Variants in PITPNM2 observed in about 807,000 individuals in gnomAD.
PITPNM2 encodes phosphatidylinositol transfer protein membrane associated 2.
In PITPNM2, 35 loss-of-function variants were observed where a neutral mutation model predicts 132.2. The observed-to-expected ratio is 0.26, with a 90% CI of 0.20 to 0.35. PITPNM2 has a LOEUF of 0.35. Ranked by LOEUF, PITPNM2 falls within the 10% of genes least tolerant of loss-of-function variation. The pLI is 1.00. For synonymous variants in PITPNM2, 738 were observed against 799.2 expected, an observed-to-expected ratio of 0.92 and a Z score of 1.29; for missense variants, 1,332 against 1,912.0, an observed-to-expected ratio of 0.70 and a Z score of 5.66.
At chr12:122,996,000 A>G (rs1353214978) in intron 13 of PITPNM2, among the ~76,000 whole-genome samples, 1 of 152,176 alleles carries the variant, frequency 6.6e-6, no homozygotes, top group African/African-American at 2.4e-5. Flanking sequence ...GCTTGGCCAC[A>G]TAGCAGCTGC....
chr12:123,057,642 C>T (rs964260515), intron 2 of PITPNM2, among the ~76,000 whole-genome samples: 10 of 151,168 alleles, frequency 6.6e-5, no homozygotes, highest in African/African-American at 2.5e-4. Context: ...AGCTGGGGCG[C>T]CCGGCCAGAA....
At chr12:123,015,418 G>T (rs906929114) in intron 3 of PITPNM2, among the ~76,000 whole-genome samples, 2 of 152,150 alleles carry the variant, frequency 1.3e-5, no homozygotes, top group African/African-American at 4.8e-5. Flanking sequence ...ATTAATTTTT[G>T]AGAAGGGTGC....
At chr12:123,050,246 T>C (rs1045398678) in intron 2 of PITPNM2, among the ~76,000 whole-genome samples, 1 of 152,160 alleles carries the variant, frequency 6.6e-6, no homozygotes, top group African/African-American at 2.4e-5. Context: ...GATATGGCAA[T>C]GCCAGGCAGC....
At chr12:123,119,355 A>ACTTTTTTTTTTTTTTTTTTTTTTT (rs762896348) in intron 1 of PITPNM2, among the ~76,000 whole-genome samples, 2 of 129,306 alleles carry the variant, frequency 1.5e-5, no homozygotes, top group African/African-American at 5.6e-5. Context: ...GAGGATGGTG[A>ACTTTTTTTTTTTTTTTTTTTTTTT]TTTTTTTTTT....
chr12:123,018,991 C>A (rs184271490), intron 3 of PITPNM2, among the ~76,000 whole-genome samples: 39 of 151,328 alleles, frequency 2.6e-4, no homozygotes, highest in African/African-American at 7.3e-4. Context: ...GCCATGTTGG[C>A]CAGGCTGATC....
intron 2 of PITPNM2, chr12:123,091,531 T>G: frequency 6.6e-6 from 1 of 151,088 alleles, no homozygotes; most frequent in African/African-American, 2.4e-5. Context: ...GGGGTGGGGG[T>G]GCTGAGTGAG....
In PITPNM2 at chr12:123,005,799, G is replaced by A. The variant is rs919230577; in HGVS notation, c.644-251C>T. 4.0e-5 allele frequency: 21 copies of A among 531,076 alleles called. No individual in the cohort carries two copies. Among genetic ancestry groups the A allele is most frequent in the East Asian group, 1.8e-4 (6 of 32,580 alleles). The allele number at this position is 531,076 out of a possible 1,614,324, so 32.9% of individuals were successfully genotyped here. Reference sequence around the variant, plus strand: ...AGGGGCCTCCCAAAGCAATGTGTCCGGTCAGAAGCCACAGTTGGAAGGGCG... The same window carrying A: ...AGGGGCCTCCCAAAGCAATGTGTCCAGTCAGAAGCCACAGTTGGAAGGGCG... On this transcript the variant is annotated intron_variant, in intron 6 of 25. Coordinates refer to ENST00000320201, the MANE Select transcript of PITPNM2 (RefSeq NM_020845.3). The surrounding 1 kb of genome is among the most constrained non-coding windows in gnomAD (Gnocchi z 6.2).
chr12:122,998,916 C>T (rs901738670), intron 10 of PITPNM2, among the ~76,000 whole-genome samples: 1 of 152,122 alleles, frequency 6.6e-6, no homozygotes, highest in African/African-American at 2.4e-5. Flanking sequence ...AGTTTGAGAC[C>T]AGCCTGGCCA....
At position 122,988,259 on chromosome 12, in the gene PITPNM2, C is replaced by T. The variant is rs768880840; in HGVS notation, c.2972G>A (p.Arg991His). The part of the protein sequence containing the change: ...TPSKPREKWQ[R>H]KRTHVKLRNV... Reference sequence around the variant, plus strand: ...CCGCAGCTTCACGTGGGTCCGCTTGCGCTGCCACTTCTCCCTTGGCTTTGA... The same window carrying T: ...CCGCAGCTTCACGTGGGTCCGCTTGTGCTGCCACTTCTCCCTTGGCTTTGA... Residue 991 changes from arginine (R) to histidine (H), a missense_variant, in exon 20 of 26, where the codon CGC becomes CAC. This residue lies in a region of PITPNM2 where 251 missense variants were observed against 472.0 expected (regional missense o/e 0.53). Coordinates refer to ENST00000320201, the MANE Select transcript of PITPNM2 (RefSeq NM_020845.3). 39 of 1,612,880 alleles carry T rather than the reference C, an allele frequency of 2.4e-5. No homozygotes were observed. Among genetic ancestry groups the T allele is most frequent in the Middle Eastern group, 1.6e-4 (1 of 6,082 alleles).
At position 123,000,325 on chromosome 12, in the gene PITPNM2, G is replaced by A; in HGVS notation, c.1224+453C>T. On this transcript the variant is annotated intron_variant, in intron 10 of 25. Transcript: ENST00000320201. The surrounding 1 kb of genome is among the most constrained non-coding windows in gnomAD (Gnocchi z 5.4). Reference sequence around the variant, plus strand: ...GCGCTCTACCAAGACAGTTTTATTGGACACACTGAGCTCCGCCTGCCTCCC... The same window carrying A: ...GCGCTCTACCAAGACAGTTTTATTGAACACACTGAGCTCCGCCTGCCTCCC... 2 of 687,396 alleles carry A rather than the reference G, an allele frequency of 2.9e-6. No homozygotes were observed. Among genetic ancestry groups the A allele is most frequent in the Non-Finnish European group, 2.6e-6 (1 of 377,936 alleles). 42.6% of individuals were successfully genotyped at this position (687,396 alleles called of 1,614,324 possible).
rs778687765 is a variant in PITPNM2 at position 123,005,397 on chromosome 12, C to T, written c.795G>A (p.Glu265=). The change falls in exon 7 of 26, where the codon GAG becomes GAA. Residue 265 remains glutamate (E), a synonymous_variant. Transcript: ENST00000320201. The surrounding 1 kb of genome is among the most constrained non-coding windows in gnomAD (Gnocchi z 6.2). Reference sequence around the variant, plus strand: ...CGTGCTTGACGAGCTCAGTGGCCTCCTCACCATCCTCATTGAACTGGGCCA... The same window carrying T: ...CGTGCTTGACGAGCTCAGTGGCCTCTTCACCATCCTCATTGAACTGGGCCA... ...RKMAQFNEDG[E]EATELVKHEA... 21 of 1,614,196 alleles carry T rather than the reference C, an allele frequency of 1.3e-5. No individual in the cohort carries two copies. Among genetic ancestry groups the T allele is most frequent in the Middle Eastern group, 1.6e-4 (1 of 6,062 alleles).
At chr12:123,046,565 G>A (rs1223855303) in intron 2 of PITPNM2, among the ~76,000 whole-genome samples, 2 of 152,140 alleles carry the variant, frequency 1.3e-5, no homozygotes, top group Admixed American at 1.3e-4. Context: ...CAAAAAGAAA[G>A]CCCATTTCTC....
intron 8 of PITPNM2, among the ~76,000 whole-genome samples, chr12:123,001,958 G>C (rs2038702739): frequency 6.6e-6 from 1 of 151,932 alleles, no homozygotes; most frequent in Non-Finnish European, 1.5e-5. Flanking sequence ...TTGAACCTGG[G>C]TGGCGGAGGT....
chr12:123,050,812 A>G (rs1230260000), intron 2 of PITPNM2, among the ~76,000 whole-genome samples: 3 of 152,202 alleles, frequency 2.0e-5, no homozygotes, highest in Admixed American at 2.0e-4. Flanking sequence ...TCATCATGCC[A>G]TAAAATCCTC....
chr12:122,990,415 C>T, intron 17 of PITPNM2, 130 bp downstream of exon 17: 1 of 1,343,120 alleles, frequency 7.4e-7, no homozygotes, highest in Non-Finnish European at 1.0e-6. Context: ...TCCCTCTACC[C>T]ACCAGGTGCC....
chr12:123,035,475 G>C lies in PITPNM2; in HGVS notation c.-95-790C>G, dbSNP rs186864233. ...GAGGTTCGGCGTTCAAGACCAGACT[G>C]GCCAACATGGTGAAACCCCGTCTCT... On this transcript the variant is annotated intron_variant, in intron 2 of 25. Transcript: ENST00000320201. Among the ~76,000 whole-genome samples the C allele has an allele frequency of 2.6e-4, 39 of 152,226 alleles. No homozygotes were observed. The East Asian group carries it at 6.2e-3, about 24-fold the overall frequency.
rs139205213 is a variant in PITPNM2 at position 123,079,350 on chromosome 12, C to CTTTTTTTTTTT, written c.-96+31024_-96+31034dup. On this transcript the variant is annotated intron_variant, in intron 2 of 25. Transcript: ENST00000320201. ...TTCACTTCTTTTTCTTTTTTCTTTT[C>CTTTTTTTTTTT]TTTTTTTTTTTTTTTTTTTTTTTTT... Among the ~76,000 whole-genome samples the CTTTTTTTTTTT allele has an allele frequency of 1.9e-3, 100 of 53,826 alleles. 1 individual carries two copies. Among genetic ancestry groups the CTTTTTTTTTTT allele is most frequent in the Non-Finnish European group, 2.2e-3 (63 of 28,142 alleles). 35.3% of individuals were successfully genotyped at this position (53,826 alleles called of 152,430 possible).
At chr12:122,998,361 T>G (rs897855222) in intron 10 of PITPNM2, among the ~76,000 whole-genome samples, 8 of 152,206 alleles carry the variant, frequency 5.3e-5, no homozygotes, top group African/African-American at 1.7e-4. Flanking sequence ...TGCACACTTG[T>G]GTAGGGGCTG....
rs1313514051 is a variant in PITPNM2, at chr12:123,099,374, T to A, written c.-96+11011A>T. On this transcript the variant is annotated intron_variant, in intron 2 of 25. Transcript: ENST00000320201. The surrounding 1 kb of genome is among the most constrained non-coding windows in gnomAD (Gnocchi z 4.2). Reference sequence around the variant, plus strand: ...CGGAGAACACCCAGCACAGCAAGATTGGGAAGCTACTGTTCTGCCAGGGCT... The same window carrying A: ...CGGAGAACACCCAGCACAGCAAGATAGGGAAGCTACTGTTCTGCCAGGGCT... 5.9e-5 allele frequency among the ~76,000 whole-genome samples: 9 copies of A among 152,300 alleles called. No homozygotes were observed. In the South Asian group the frequency reaches 1.2e-3, roughly 21 times the overall value.
Sources: allele counts gnomAD v4.1 joint callset (sites outside exome capture counted in the v4.1 genomes callset), GRCh38; gene constraint gnomAD v4.1.1; regional missense constraint gnomAD v4.1.1; non-coding constraint Gnocchi (gnomAD v3.1); transcripts MANE v1.5; gene names NCBI Gene and HGNC (gene_info 2026-07-23, HGNC 2026-07-21).